PTPN9: variants seen among roughly 807,000 people sequenced by gnomAD.
PTPN9 encodes tyrosine-protein phosphatase non-receptor type 9.
In PTPN9, 26 loss-of-function variants were observed where a neutral mutation model predicts 69.8. The observed-to-expected ratio is 0.37, with a 90% confidence interval of 0.27 to 0.52. The LOEUF (loss-of-function observed/expected upper bound fraction) is 0.52. Among genes scored for constraint, PTPN9 ranks in the 20% least tolerant of loss-of-function variants. The pLI, the probability that PTPN9 is intolerant of heterozygous loss-of-function variation, is 0.91. For missense variants in PTPN9, 549 were observed against 740.3 expected, an observed-to-expected ratio of 0.74 and a Z score of 3.00; for synonymous variants, 274 against 272.5, an observed-to-expected ratio of 1.01 and a Z score of -0.05.
intron 8 of PTPN9, among the ~76,000 whole-genome samples, chr15:75,482,881 G>C (rs1003718184): frequency 6.6e-6 from 1 of 151,852 alleles, no homozygotes; most frequent in African/African-American, 2.4e-5. Flanking sequence ...CATAAACCCG[G>C]GAGATGGAGC....
chr15:75,490,410 C>T, intron 7 of PTPN9, 109 bp from the exon 8 acceptor site: 1 of 748,476 alleles, frequency 1.3e-6, no homozygotes, highest in Middle Eastern at 3.3e-4. Context: ...GGGGTGGAGA[C>T]ATGGAAGCTT....
chr15:75,554,225 G>A (rs1319841197), intron 1 of PTPN9, among the ~76,000 whole-genome samples: 1 of 147,814 alleles, frequency 6.8e-6, no homozygotes, highest in East Asian at 2.0e-4. Flanking sequence ...ATAGAATTTC[G>A]CTCTTATTGC....
At chr15:75,473,444 C>T (rs2074579439) in intron 10 of PTPN9, among the ~76,000 whole-genome samples, 1 of 152,140 alleles carries the variant, frequency 6.6e-6, no homozygotes, top group Non-Finnish European at 1.5e-5. Flanking sequence ...AGAGAAGGCA[C>T]CATGCCCGGC....
rs373098861 is a variant in PTPN9 at position 75,505,848 on chromosome 15, G to C, written c.795C>G (p.Ile265Met). The part of the protein sequence containing the change: ...NGHPDPFDEI[I>M]LFSLPPALDW... ...CTAAGGCAGGAGGGAGGGAGAACAG[G>C]ATGATCTCATCGAAGGGATCTGGGT... Residue 265 changes from isoleucine (I) to methionine (M), a missense_variant, in exon 7 of 13, where the codon ATC becomes ATG. Ile to Met is a conservative substitution (Grantham distance 10). Coordinates refer to ENST00000618819, the MANE Select transcript of PTPN9 (RefSeq NM_002833.4). The C allele has an allele frequency of 1.1e-5, 18 of 1,614,174 alleles. No individual in the cohort carries two copies. The South Asian group carries it at 1.9e-4, about 17-fold the overall frequency.
chr15:75,491,017 G>C (rs1296324293), intron 7 of PTPN9, among the ~76,000 whole-genome samples: 1 of 152,172 alleles, frequency 6.6e-6, no homozygotes, highest in Non-Finnish European at 1.5e-5. Flanking sequence ...TCTAAGGTGG[G>C]AGGACGGCTT....
chr15:75,577,279 C>G (rs1339107926), intron 1 of PTPN9, among the ~76,000 whole-genome samples: 1 of 152,200 alleles, frequency 6.6e-6, no homozygotes, highest in East Asian at 1.9e-4. Context: ...AAACAGAAAT[C>G]TGACTGACCC....
At chr15:75,538,597 A>G (rs1376522713) in intron 1 of PTPN9, among the ~76,000 whole-genome samples, 2 of 152,052 alleles carry the variant, frequency 1.3e-5, no homozygotes, top group South Asian at 4.2e-4. Context: ...TGGGAGGATC[A>G]CTTAAGCCCG....
At chr15:75,497,315 C>T (rs1426518263) in intron 7 of PTPN9, among the ~76,000 whole-genome samples, 1 of 151,414 alleles carries the variant, frequency 6.6e-6, no homozygotes, top group Non-Finnish European at 1.5e-5. Flanking sequence ...CAGAGCAAGA[C>T]TCCATCTCTA....
rs897084696 is a variant in PTPN9 at position 75,468,153 on chromosome 15, G to T, written c.*616C>A. On this transcript the variant is annotated 3_prime_UTR_variant, in exon 13 of 13. Transcript: ENST00000618819. ...CCAGGAACTTCTGGAAAGGAGTATC[G>T]TGTGTATATGTATTTATAGAATACG... 6.6e-6 allele frequency: 1 copy of T among 152,582 alleles called. No individual in the cohort carries two copies. Among genetic ancestry groups the T allele is most frequent in the East Asian group, 1.9e-4 (1 of 5,196 alleles). The allele number at this position is 152,582 out of a possible 1,614,324, so 9.5% of individuals were successfully genotyped here.
At chr15:75,486,902 G>A (rs951243323) in intron 8 of PTPN9, among the ~76,000 whole-genome samples, 11 of 149,990 alleles carry the variant, frequency 7.3e-5, no homozygotes, top group East Asian at 4.0e-4. Flanking sequence ...CTCCTGCCTC[G>A]GCCTCCCGAG....
chr15:75,526,453 T>C (rs2074928189), intron 2 of PTPN9, among the ~76,000 whole-genome samples: 1 of 152,122 alleles, frequency 6.6e-6, no homozygotes, highest in African/African-American at 2.4e-5. Flanking sequence ...CCCAATTTTT[T>C]TTTTTAGGGA....
At chr15:75,522,195 C>A (rs577464360) in intron 4 of PTPN9, among the ~76,000 whole-genome samples, 31 of 152,240 alleles carry the variant, frequency 2.0e-4, no homozygotes, top group Admixed American at 1.4e-3. Flanking sequence ...CTGTAAAAAA[C>A]TTCTTGGGGC....
intron 3 of PTPN9, 141 bp downstream of exon 3, chr15:75,524,068 C>G (rs918362767): frequency 6.0e-6 from 2 of 334,972 alleles, no homozygotes; most frequent in Non-Finnish European, 1.1e-5. Context: ...AACAAACCTG[C>G]ACGTTGTGCA....
At chr15:75,480,513 A>G (rs1163747227) in intron 8 of PTPN9, 3 of 290,702 alleles carry the variant, frequency 1.0e-5, no homozygotes, top group East Asian at 1.4e-4. Flanking sequence ...AGAAGGCTCG[A>G]AGGCGCCGCG....
At chr15:75,553,407 C>T (rs1479440365) in intron 1 of PTPN9, among the ~76,000 whole-genome samples, 2 of 152,038 alleles carry the variant, frequency 1.3e-5, no homozygotes, top group Non-Finnish European at 2.9e-5. Flanking sequence ...TGTCTTTAGT[C>T]CTGAGTGCTA....
At chr15:75,470,574 A>G (rs2074558707) in intron 11 of PTPN9, 106 bp downstream of exon 11, 4 of 1,372,006 alleles carry the variant, frequency 2.9e-6, no homozygotes, top group East Asian at 4.6e-5. Flanking sequence ...AACAGAAGCA[A>G]CTCATAACTT....
chr15:75,530,885 T>TTATGATA (rs2074961089), intron 1 of PTPN9, among the ~76,000 whole-genome samples: 4 of 114,968 alleles, frequency 3.5e-5, no homozygotes, highest in Non-Finnish European at 5.0e-5. Flanking sequence ...ATATTATATA[T>TTATGATA]TATTATATAT....
intron 1 of PTPN9, among the ~76,000 whole-genome samples, chr15:75,560,242 T>G (rs2075098559): frequency 6.6e-6 from 1 of 152,178 alleles, no homozygotes; most frequent in African/African-American, 2.4e-5. Flanking sequence ...CGGAAATGTC[T>G]AATGGTTTCT....
rs538950707 is a variant in PTPN9, at chr15:75,526,281, C to T, written c.207+837G>A. 4.6e-5 allele frequency among the ~76,000 whole-genome samples: 7 copies of T among 152,156 alleles called. No homozygotes were observed. In the East Asian group the frequency reaches 5.8e-4, roughly 13 times the overall value. ...TGCTGAGATTACAGGCATGAGCCACCGCACCCAGCCCTAGTCTCTCTTTCT... is the reference window on the plus strand; with the variant it reads ...TGCTGAGATTACAGGCATGAGCCACTGCACCCAGCCCTAGTCTCTCTTTCT... On this transcript the variant is annotated intron_variant, in intron 2 of 12. Transcript: ENST00000618819.
Sources: gnomAD v4.1 joint callset for allele counts (sites outside exome capture counted in the v4.1 genomes callset) on GRCh38, gnomAD v4.1.1 for gene constraint, MANE v1.5 for transcripts, NCBI Gene and HGNC (gene_info 2026-07-23, HGNC 2026-07-21) for gene names.